The following ENKUR variants were observed in gnomAD, a reference collection of about 807,000 sequenced individuals.
The protein encoded by ENKUR is enkurin, TRPC channel interacting protein.
Under a neutral mutation model 27.6 loss-of-function variants are expected in ENKUR, and 19 were observed. The ratio of observed to expected loss-of-function variants is 0.69; its 90% confidence interval spans 0.48 to 1.01. The LOEUF is 1.01. ENKUR is among the 50% of genes least tolerant of loss of function. ENKUR has a pLI of 0.00. For missense variants in ENKUR, 312 were observed against 310.5 expected (o/e 1.00, Z -0.04); for synonymous variants, 117 against 96.9 (o/e 1.21, Z -1.22).
chr10:25,014,442 T>C (rs1850519087), intron 1 of ENKUR, among the ~76,000 whole-genome samples: 1 of 152,156 alleles, frequency 6.6e-6, no homozygotes, highest in Non-Finnish European at 1.5e-5. Flanking sequence ...ACAGATATAC[T>C]AGTGCAATAT....
intron 1 of ENKUR, among the ~76,000 whole-genome samples, chr10:25,000,493 T>C (rs1304947684): frequency 6.6e-6 from 1 of 152,148 alleles, no homozygotes; most frequent in Non-Finnish European, 1.5e-5. Flanking sequence ...TTTGAAACTC[T>C]GTTTGTAGGT....
At chr10:25,022,584 T>C (rs1008773515) in intron 2 of ENKUR, among the ~76,000 whole-genome samples, 1 of 152,240 alleles carries the variant, frequency 6.6e-6, no homozygotes. Flanking sequence ...TGTCCTGTAG[T>C]TTGGAAAACT....
At chr10:25,035,320 T>C (rs921030119) in intron 2 of ENKUR, among the ~76,000 whole-genome samples, 1 of 152,134 alleles carries the variant, frequency 6.6e-6, no homozygotes, top group African/African-American at 2.4e-5. Flanking sequence ...GTGGGGAGAC[T>C]GAGGCGAGTG....
At chr10:25,038,978 G>T (rs1851035253) in intron 2 of ENKUR, among the ~76,000 whole-genome samples, 1 of 152,148 alleles carries the variant, frequency 6.6e-6, no homozygotes, top group African/African-American at 2.4e-5. Context: ...ATAATTTGTT[G>T]TATGGTAGAT....
At chr10:25,044,749 G>C (rs1851104041) in intron 2 of ENKUR, among the ~76,000 whole-genome samples, 1 of 152,190 alleles carries the variant, frequency 6.6e-6, no homozygotes, top group South Asian at 2.1e-4. Context: ...GATGCTAAAA[G>C]CTCTGCTCAG....
At chr10:25,021,110 A>G (rs1304324899), upstream of ENKUR, among the ~76,000 whole-genome samples, 2 of 152,206 alleles carry the variant, frequency 1.3e-5, no homozygotes, top group Non-Finnish European at 2.9e-5. Flanking sequence ...AAACCAAACC[A>G]TAAAAAAAAT....
rs1850032793 is a variant in ENKUR at position 24,995,685 on chromosome 10, A to C, written c.408T>G (p.Leu136=). The part of the protein sequence containing the change: ...VDKRTGDKHD[L]EPSGLVPKYI... ...ACTTTGGAACTAGTCCTGAAGGCTC[A>C]AGATCATGCTTGTCTCCAGTTCTTT... The change falls in exon 3 of 6, where the codon CTT becomes CTG. Residue 136 remains leucine, a synonymous_variant. Coordinates refer to ENST00000331161, the MANE Select transcript of ENKUR (RefSeq NM_145010.4). 6.2e-7 allele frequency: 1 copy of C among 1,613,992 alleles called. No homozygotes were observed. The highest frequency in any genetic ancestry group is 8.5e-7 in the Non-Finnish European group (1 of 1,179,972).
chr10:25,024,163 A>G (rs1850789544), intron 2 of ENKUR: 1 of 1,614,080 alleles, frequency 6.2e-7, no homozygotes, highest in Non-Finnish European at 8.5e-7. Flanking sequence ...GGGAGAAATG[A>G]TTGAAACTGC....
At chr10:25,056,939 A>G (rs529827254) in intron 2 of ENKUR, among the ~76,000 whole-genome samples, 1 of 152,298 alleles carries the variant, frequency 6.6e-6, no homozygotes, top group South Asian at 2.1e-4. Flanking sequence ...TGGAATCAAT[A>G]CCTACTGAGC....
At chr10:25,010,857 G>A (rs1209631143) in intron 1 of ENKUR, among the ~76,000 whole-genome samples, 4 of 151,414 alleles carry the variant, frequency 2.6e-5, no homozygotes, top group African/African-American at 9.7e-5. Context: ...TTGGACATTT[G>A]GGTTGGTTCC....
chr10:25,054,508 T>TCTTC (rs1851228043), intron 2 of ENKUR, among the ~76,000 whole-genome samples: 3 of 110,198 alleles, frequency 2.7e-5, no homozygotes, highest in Non-Finnish European at 1.9e-5. Context: ...TTTCTTTCTT[T>TCTTC]CTTTCCTTTC....
chr10:25,058,653 A>G (rs890479643), intron 2 of ENKUR, among the ~76,000 whole-genome samples: 7 of 150,838 alleles, frequency 4.6e-5, no homozygotes, highest in African/African-American at 1.7e-4. Flanking sequence ...GGGGGAGGCC[A>G]GGTGCAGTGG....
chr10:24,988,238 A>G (rs1391481931), intron 4 of ENKUR, among the ~76,000 whole-genome samples: 1 of 145,544 alleles, frequency 6.9e-6, no homozygotes, highest in Non-Finnish European at 1.5e-5. Context: ...AAAAATGTAT[A>G]TATATATATA....
chr10:25,019,492 GAAAATAATGGA>G (rs1297843397), upstream of ENKUR, among the ~76,000 whole-genome samples: 1 of 151,986 alleles, frequency 6.6e-6, no homozygotes, highest in Non-Finnish European at 1.5e-5. Flanking sequence ...ACAAAAACAC[GAAAATAATGGA>G]ACAGTAAAAA....
In ENKUR at chr10:24,984,850, A is replaced by C; in HGVS notation, c.650T>G (p.Phe217Cys). The change falls in exon 5 of 6, where the codon TTT becomes TGT. Residue 217 changes from phenylalanine (F) to cysteine (C), a missense_variant. Phe to Cys is a radical substitution (Grantham distance 205). Transcript: ENST00000331161. ...GATCTTCTTTGGTATAGAATCTATA[A>C]AGACCGAGAGGGACTGGAATTCTTT... ...VHKEFQSLSV[F>C]IDSIPKKIRK... is the part of the protein sequence containing the mutation. 1 of 1,613,838 alleles carries C rather than the reference A, an allele frequency of 6.2e-7. No individual in the cohort carries two copies. Among genetic ancestry groups the C allele is most frequent in the South Asian group, 1.1e-5 (1 of 91,012 alleles).
At position 25,029,516 on chromosome 10, in the gene ENKUR, T is replaced by C. The variant is rs561450233; in HGVS notation, c.37+31596A>G. Among the ~76,000 whole-genome samples the C allele has an allele frequency of 3.3e-5, 5 of 152,006 alleles. No individual in the cohort carries two copies. The South Asian group carries it at 1.0e-3, about 32-fold the overall frequency. ...TTGTTTCAATCCATTAAATCGTTTA[T>C]AAACCTTTTGTAATTCAGACTACGT... On this transcript the variant is annotated intron_variant, in intron 2 of 5. Transcript: ENST00000615958.
At chr10:25,035,315 G>A (rs1850994914) in intron 2 of ENKUR, among the ~76,000 whole-genome samples, 1 of 152,226 alleles carries the variant, frequency 6.6e-6, no homozygotes, top group Admixed American at 6.5e-5. Flanking sequence ...AGTACGTGGG[G>A]AGACTGAGGC....
At chr10:25,028,512 T>G (rs764017724) in intron 2 of ENKUR, among the ~76,000 whole-genome samples, 4 of 152,216 alleles carry the variant, frequency 2.6e-5, no homozygotes, top group Non-Finnish European at 5.9e-5. Context: ...TTCCTCTTGT[T>G]TCTTCAACTT....
chr10:25,032,959 A>C (rs2130457888), intron 2 of ENKUR, among the ~76,000 whole-genome samples: 1 of 152,234 alleles, frequency 6.6e-6, no homozygotes, highest in East Asian at 1.9e-4. Context: ...TTATGCTTAA[A>C]CTTGTTGAGA....
Sources: gnomAD v4.1 joint callset for allele counts (sites outside exome capture counted in the v4.1 genomes callset) on GRCh38, gnomAD v4.1.1 for gene constraint, MANE v1.5 for transcripts, NCBI Gene and HGNC (gene_info 2026-07-23, HGNC 2026-07-21) for gene names.